RAB8A: variants seen among roughly 807,000 people sequenced by gnomAD.
The protein encoded by RAB8A is RAB8A, member RAS oncogene family, also known as ras-related protein Rab-8A.
In RAB8A, 5 loss-of-function variants were observed where a neutral mutation model predicts 29.2. That is an observed-to-expected ratio of 0.17 (90% CI 0.09 to 0.36). The LOEUF is 0.36. Among genes scored for constraint, RAB8A ranks in the 10% least tolerant of loss-of-function variants. The pLI, the probability that RAB8A is intolerant of heterozygous loss-of-function variation, is 1.00. For missense variants in RAB8A, 171 were observed against 272.2 expected, an observed-to-expected ratio of 0.63 and a Z score of 2.62; for synonymous variants, 108 against 99.9, an observed-to-expected ratio of 1.08 and a Z score of -0.49.
intron 6 of RAB8A, among the ~76,000 whole-genome samples, 171 bp downstream of exon 6, chr19:16,128,262 A>G (rs1302787867): frequency 6.6e-6 from 1 of 152,162 alleles, no homozygotes; most frequent in Non-Finnish European, 1.5e-5. Flanking sequence ...CGTGCCAAGC[A>G]CAGGCAGCCC....
chr19:16,128,129 A>G, intron 6 of RAB8A, 38 bp downstream of exon 6: 2 of 1,602,206 alleles, frequency 1.2e-6, no homozygotes, highest in African/African-American at 2.7e-5. Flanking sequence ...TGGGGCCTGC[A>G]GGATCGGCCC....
chr19:16,127,608 C>T lies in RAB8A; in HGVS notation c.414+82C>T. The T allele has an allele frequency of 3.5e-6, 4 of 1,144,148 alleles. No individual in the cohort carries two copies. The highest frequency in any genetic ancestry group is 4.8e-6 in the Non-Finnish European group (4 of 829,854). The allele number at this position is 1,144,148 out of a possible 1,614,324, so 70.9% of individuals were successfully genotyped here. Reference sequence around the variant, plus strand: ...AGGCCTTCCCCTGTCCCTCCTCTGCCCCAGGGGCCTGAGACGAGTTGGTCA... The same window carrying T: ...AGGCCTTCCCCTGTCCCTCCTCTGCTCCAGGGGCCTGAGACGAGTTGGTCA... On this transcript the variant is annotated intron_variant, in intron 5 of 7. Coordinates refer to ENST00000300935, the MANE Select transcript of RAB8A (RefSeq NM_005370.5). This position sits in a 1 kb window ranked among gnomAD's most constrained non-coding sequence, Gnocchi z 4.8.
chr19:16,132,334 A>G lies in RAB8A; in HGVS notation c.*30A>G. 1.2e-6 allele frequency: 2 copies of G among 1,605,974 alleles called. No homozygotes were observed. The highest frequency in any genetic ancestry group is 1.7e-6 in the Non-Finnish European group (2 of 1,175,434). ...CACCGCCTTACTCTGAGCCTCGCTC[A>G]GCCCAGCTGACTGTGCCTGTTCTGA... On this transcript the variant is annotated 3_prime_UTR_variant, in exon 8 of 8. Coordinates refer to ENST00000300935, the MANE Select transcript of RAB8A (RefSeq NM_005370.5). The surrounding 1 kb of genome is among the most constrained non-coding windows in gnomAD (Gnocchi z 5.6).
In RAB8A at chr19:16,128,014, CCT is replaced by C. The variant is rs1474139184; in HGVS notation, c.415-6_415-5del. 2.5e-6 allele frequency: 4 copies of C among 1,614,090 alleles called. No individual in the cohort carries two copies. The highest frequency in any genetic ancestry group is 2.2e-5 in the East Asian group (1 of 44,876). On this transcript the variant is annotated splice_polypyrimidine_tract_variant and intron_variant, in intron 5 of 7. Transcript: ENST00000300935. ...GCTGGTGTGCTCATGCGTGTGCCTC[CCT>C]CTCTCACAGCTGGCCCTCGACTATG...
At chr19:16,112,066 G>T in intron 1 of RAB8A, 41 bp downstream of exon 1, 2 of 1,608,228 alleles carry the variant, frequency 1.2e-6, no homozygotes, top group Non-Finnish European at 1.7e-6. Flanking sequence ...CGGAGGCCCG[G>T]GCTGGGCGCG....
At chr19:16,129,658 G>C in intron 7 of RAB8A, 54 bp downstream of exon 7, 1 of 1,567,384 alleles carries the variant, frequency 6.4e-7, no homozygotes. Flanking sequence ...TCCAGCCATC[G>C]TCGTTAGCAG....
rs770524271 is a variant in RAB8A at position 16,125,487 on chromosome 19, C to T, written c.264C>T (p.Tyr88=). 97 of 1,614,096 alleles carry T rather than the reference C, an allele frequency of 6.0e-5. No individual in the cohort carries two copies. Among genetic ancestry groups the T allele is most frequent in the Non-Finnish European group, 7.5e-5 (88 of 1,179,960 alleles). Residue 88 remains tyrosine (Y), a synonymous_variant, in exon 4 of 8, where the codon TAC becomes TAT. Coordinates refer to ENST00000300935, the MANE Select transcript of RAB8A (RefSeq NM_005370.5). The surrounding 1 kb of genome is among the most constrained non-coding windows in gnomAD (Gnocchi z 5.0). The part of the protein sequence containing the change: ...YRGAMGIMLV[Y]DITNEKSFDN... Reference sequence around the variant, plus strand: ...CCGCGCAGGGCATCATGCTGGTCTACGACATCACCAACGAGAAGTCCTTCG... The same window carrying T: ...CCGCGCAGGGCATCATGCTGGTCTATGACATCACCAACGAGAAGTCCTTCG...
At chr19:16,117,618 G>A (rs1203912070) in intron 1 of RAB8A, among the ~76,000 whole-genome samples, 1 of 152,102 alleles carries the variant, frequency 6.6e-6, no homozygotes, top group East Asian at 1.9e-4. Context: ...AGGTGGCTGC[G>A]AGGTCACCGT....
At chr19:16,129,886 A>G (rs1262024979) in intron 7 of RAB8A, among the ~76,000 whole-genome samples, 2 of 152,028 alleles carry the variant, frequency 1.3e-5, no homozygotes, top group Non-Finnish European at 2.9e-5. Flanking sequence ...AGGGCCAGAA[A>G]GACAACATGG....
intron 2 of RAB8A, among the ~76,000 whole-genome samples, chr19:16,121,208 C>T (rs1389411097): frequency 9.2e-5 from 14 of 152,178 alleles, no homozygotes; most frequent in Admixed American, 2.0e-4. Context: ...TGAGCCACTG[C>T]GCCCGGCCAG....
chr19:16,122,625 G>C lies in RAB8A; in HGVS notation c.246+815G>C, dbSNP rs1260026294. Among the ~76,000 whole-genome samples, 1 of 152,138 alleles carries C rather than the reference G, an allele frequency of 6.6e-6. No homozygotes were observed. The highest frequency in any genetic ancestry group is 1.5e-5 in the Non-Finnish European group (1 of 68,022). ...TGCTCAGGCAGCTGCCTGTTTCCTC[G>C]ATGAGGGCAGCGCCACATCCTGGTC... On this transcript the variant is annotated intron_variant, in intron 3 of 7. Transcript: ENST00000300935. This position sits in a 1 kb window ranked among gnomAD's most constrained non-coding sequence, Gnocchi z 4.7.
chr19:16,121,571 G>C (rs1599396583), intron 2 of RAB8A, among the ~76,000 whole-genome samples, 179 bp from the exon 3 acceptor site: 1 of 107,596 alleles, frequency 9.3e-6, no homozygotes, highest in African/African-American at 3.2e-5. Context: ...GACCCCTCCA[G>C]GCCACAGTGT....
intron 1 of RAB8A, among the ~76,000 whole-genome samples, chr19:16,113,376 C>G (rs767711815): frequency 6.6e-6 from 1 of 151,788 alleles, no homozygotes; most frequent in Non-Finnish European, 1.5e-5. Context: ...TCTTGCCCTC[C>G]TCCAGGAGCT....
At chr19:16,117,985 G>A (rs918534710) in intron 1 of RAB8A, among the ~76,000 whole-genome samples, 2 of 152,180 alleles carry the variant, frequency 1.3e-5, no homozygotes, top group Non-Finnish European at 2.9e-5. Context: ...AGGGACAAGA[G>A]CAGGGCTTTG....
At chr19:16,112,839 C>CT (rs1209783617) in intron 1 of RAB8A, 1 of 152,206 alleles carries the variant, frequency 6.6e-6, no homozygotes, top group South Asian at 2.1e-4. Context: ...GAGTCAGGAC[C>CT]TTTTCCCTGC....
At chr19:16,113,642 T>C (rs531922784) in intron 1 of RAB8A, among the ~76,000 whole-genome samples, 2 of 152,332 alleles carry the variant, frequency 1.3e-5, no homozygotes, top group East Asian at 3.9e-4. Flanking sequence ...CCTTGTGATC[T>C]GCCTGCCTTG....
intron 1 of RAB8A, among the ~76,000 whole-genome samples, chr19:16,117,912 G>T (rs749945353): frequency 6.6e-6 from 1 of 152,190 alleles, no homozygotes; most frequent in African/African-American, 2.4e-5. Flanking sequence ...GCCTGCAGAG[G>T]GCTCTGTTGA....
Position 16,125,570 on chromosome 19 carries a change from A to G in RAB8A, c.324+23A>G. The G allele has an allele frequency of 1.3e-6, 2 of 1,597,944 alleles. No homozygotes were observed. Among genetic ancestry groups the G allele is most frequent in the South Asian group, 1.1e-5 (1 of 90,318 alleles). On this transcript the variant is annotated intron_variant, in intron 4 of 7. Coordinates refer to ENST00000300935, the MANE Select transcript of RAB8A (RefSeq NM_005370.5). The surrounding 1 kb of genome is among the most constrained non-coding windows in gnomAD (Gnocchi z 5.0). Reference sequence around the variant, plus strand: ...GAGGTGAGGCCCTCCGGCTCCTCCCACTGTCCCTGCTTCAGTCCTTGTCCC... The same window carrying G: ...GAGGTGAGGCCCTCCGGCTCCTCCCGCTGTCCCTGCTTCAGTCCTTGTCCC...
At position 16,129,224 on chromosome 19, in the gene RAB8A, G is replaced by A. The variant is rs200071772; in HGVS notation, c.481-330G>A. Reference sequence around the variant, plus strand: ...TGGACAAGTCACTTGGCCTCTCTGAGCCTCAGTTTCCTCTCTGGCCAACTG... The same window carrying A: ...TGGACAAGTCACTTGGCCTCTCTGAACCTCAGTTTCCTCTCTGGCCAACTG... On this transcript the variant is annotated intron_variant, in intron 6 of 7. Coordinates refer to ENST00000300935, the MANE Select transcript of RAB8A (RefSeq NM_005370.5). Among the ~76,000 whole-genome samples, 33 of 152,318 alleles carry A rather than the reference G, an allele frequency of 2.2e-4. No individual in the cohort carries two copies. In the East Asian group the frequency reaches 4.4e-3, roughly 20 times the overall value.
Sources: allele counts gnomAD v4.1 joint callset (sites outside exome capture counted in the v4.1 genomes callset), GRCh38; gene constraint gnomAD v4.1.1; non-coding constraint Gnocchi (gnomAD v3.1); transcripts MANE v1.5; gene names NCBI Gene and HGNC (gene_info 2026-07-23, HGNC 2026-07-21).